CIB3: variants seen among roughly 807,000 people sequenced by gnomAD.
CIB3 encodes calcium and integrin-binding family member 3.
Under a neutral mutation model 23.4 loss-of-function variants are expected in CIB3, and 22 were observed. That is an observed-to-expected ratio of 0.94 (90% confidence interval 0.67 to 1.34). The LOEUF is 1.34. Among genes scored for constraint, CIB3 ranks in the 40% most tolerant of loss-of-function variants. The probability of loss-of-function intolerance (pLI) is 0.00; values close to 1 mark genes in which losing one functional copy is unlikely to be tolerated. For missense variants in CIB3, 258 were observed against 247.3 expected (o/e 1.04, Z -0.29); for synonymous variants, 93 against 95.8 (o/e 0.97, Z 0.17).
intron 5 of CIB3, among the ~76,000 whole-genome samples, chr19:16,164,405 G>C (rs1000593074): frequency 6.6e-6 from 1 of 152,198 alleles, no homozygotes; most frequent in African/African-American, 2.4e-5. Context: ...TGCAGTGGCG[G>C]CTGATTTTCC....
intron 5 of CIB3, among the ~76,000 whole-genome samples, chr19:16,164,164 G>A (rs1161191415): frequency 6.6e-6 from 1 of 151,966 alleles, no homozygotes; most frequent in African/African-American, 2.4e-5. Context: ...TTGTAGATAT[G>A]GACTCTCCTT....
At chr19:16,163,809 G>A (rs931685984) in intron 5 of CIB3, among the ~76,000 whole-genome samples, 1 of 152,050 alleles carries the variant, frequency 6.6e-6, no homozygotes, top group African/African-American at 2.4e-5. Flanking sequence ...ATACCATGAC[G>A]CAACTCTGTT....
In CIB3 at chr19:16,163,786, T is replaced by C. The variant is rs996519143; in HGVS notation, c.542+932A>G. Among the ~76,000 whole-genome samples the C allele has an allele frequency of 3.9e-5, 6 of 152,186 alleles. No individual in the cohort carries two copies. In the South Asian group the frequency reaches 6.2e-4, roughly 16 times the overall value. The stretch of plus-strand genomic sequence containing the variant: ...TTTCTGTAAATGGCCAAATAGTTGA[T>C]GTTTTCAACTTTATACCATGACGCA... On this transcript the variant is annotated intron_variant, in intron 5 of 5. Coordinates refer to ENST00000269878, the MANE Select transcript of CIB3 (RefSeq NM_054113.4).
In CIB3 at chr19:16,172,097, C is replaced by T. The variant is rs936966558; in HGVS notation, c.86+1065G>A. ...TGCCAAGCCCACAACCCAGACTGGG[C>T]TCTGGACTTTGCACCTGGGCTCCCA... On this transcript the variant is annotated intron_variant, in intron 2 of 5. Transcript: ENST00000269878. Among the ~76,000 whole-genome samples, 4 of 152,364 alleles carry T rather than the reference C, an allele frequency of 2.6e-5. No homozygotes were observed. The South Asian group carries it at 8.3e-4, about 32-fold the overall frequency.
chr19:16,170,823 AAAAAAAAAAAAG>A (rs1464298802), intron 2 of CIB3, among the ~76,000 whole-genome samples: 1 of 141,316 alleles, frequency 7.1e-6, no homozygotes, highest in Non-Finnish European at 1.5e-5. Flanking sequence ...ACTCTGTCTC[AAAAAAAAAAAAG>A]AAAAGAAAAA....
At chr19:16,169,236 T>C (rs2091317916) in intron 3 of CIB3, among the ~76,000 whole-genome samples, 1 of 152,098 alleles carries the variant, frequency 6.6e-6, no homozygotes, top group Admixed American at 6.6e-5. Flanking sequence ...CTCCACCTCC[T>C]GAGTTCAAGC....
chr19:16,166,436 CT>C (rs1455578372), intron 4 of CIB3, among the ~76,000 whole-genome samples: 2 of 152,170 alleles, frequency 1.3e-5, no homozygotes, highest in African/African-American at 4.8e-5. Context: ...CATTTATTCA[CT>C]CACTCAACAA....
At chr19:16,169,941 A>G (rs2091321328) in intron 2 of CIB3, among the ~76,000 whole-genome samples, 200 bp from the exon 3 acceptor site, 1 of 152,166 alleles carries the variant, frequency 6.6e-6, no homozygotes, top group Admixed American at 6.6e-5. Flanking sequence ...CTGGGATTAC[A>G]GGCACACCCT....
chr19:16,162,243 C>CAAAAAAA (rs79329568), intron 5 of CIB3, among the ~76,000 whole-genome samples: 1 of 52,468 alleles, frequency 1.9e-5, no homozygotes, highest in Non-Finnish European at 3.9e-5. Context: ...CTTGTCTCCA[C>CAAAAAAA]AAAAAAAAAA....
At chr19:16,171,947 G>A (rs889853283) in intron 2 of CIB3, among the ~76,000 whole-genome samples, 7 of 152,212 alleles carry the variant, frequency 4.6e-5, no homozygotes, top group African/African-American at 1.2e-4. Flanking sequence ...TTCATGGGTC[G>A]GGGCCCCTGG....
chr19:16,169,893 G>A lies in CIB3; in HGVS notation c.87-152C>T, dbSNP rs192693864. 747 of 578,744 alleles carry A rather than the reference G, an allele frequency of 1.3e-3. 19 individuals are homozygous for A. In the East Asian group the frequency reaches 0.026, roughly 20 times the overall value. 35.9% of individuals were successfully genotyped at this position (578,744 alleles called of 1,614,324 possible). On this transcript the variant is annotated intron_variant, in intron 2 of 5. Coordinates refer to ENST00000269878, the MANE Select transcript of CIB3 (RefSeq NM_054113.4). ...CGGCTCACTGTAACCTCTGCCTCCC[G>A]GGTTCAAGCAATTCTCCTGCCTCAG...
Position 16,173,464 on chromosome 19 carries a change from C to T in CIB3, c.12G>A (p.Lys4=), listed in dbSNP as rs1254616348. MGN[K]QTVFTHEQLE... ...GCTGCTCGTGTGTGAAGACTGTCTG[C>T]TTGTTGCCCATGGTGTGAACCACAG... The change falls in exon 1 of 6, where the codon AAG becomes AAA. Residue 4 remains lysine (K), a synonymous_variant. Coordinates refer to ENST00000269878, the MANE Select transcript of CIB3 (RefSeq NM_054113.4). 1 of 1,613,944 alleles carries T rather than the reference C, an allele frequency of 6.2e-7. No individual in the cohort carries two copies. The highest frequency in any genetic ancestry group is 1.3e-5 in the African/African-American group (1 of 74,902).
chr19:16,161,827 G>A (rs1299949857), intron 5 of CIB3, among the ~76,000 whole-genome samples: 3 of 151,626 alleles, frequency 2.0e-5, no homozygotes, highest in Non-Finnish European at 4.4e-5. Context: ...ACAGGTGCAT[G>A]ATACCACGCC....
chr19:16,164,098 G>A (rs2091295752), intron 5 of CIB3, among the ~76,000 whole-genome samples: 1 of 152,050 alleles, frequency 6.6e-6, no homozygotes. Context: ...AGCCTCCCAA[G>A]TAGCTGGGAC....
Position 16,173,356 on chromosome 19 carries a change from G to A in CIB3, c.51+69C>T, listed in dbSNP as rs555370747. On this transcript the variant is annotated intron_variant, in intron 1 of 5. Coordinates refer to ENST00000269878, the MANE Select transcript of CIB3 (RefSeq NM_054113.4). ...CGGTACACCCAGATGAAGGCATTCTGTTCCCATTTCCCAGACCACGGAACC... is the reference window on the plus strand; with the variant it reads ...CGGTACACCCAGATGAAGGCATTCTATTCCCATTTCCCAGACCACGGAACC... The A allele has an allele frequency of 2.3e-5, 36 of 1,561,718 alleles. 1 individual carries two copies. In the South Asian group the frequency reaches 3.4e-4, roughly 15 times the overall value.
At chr19:16,170,503 A>T (rs144545276) in intron 2 of CIB3, among the ~76,000 whole-genome samples, 1 of 152,182 alleles carries the variant, frequency 6.6e-6, no homozygotes, top group Non-Finnish European at 1.5e-5. Context: ...CTTCACTTTC[A>T]TACCTTCCCT....
chr19:16,166,578 A>G (rs982050343), intron 4 of CIB3, among the ~76,000 whole-genome samples: 2 of 152,150 alleles, frequency 1.3e-5, no homozygotes, highest in Non-Finnish European at 2.9e-5. Flanking sequence ...TCATTCATTC[A>G]TTCATCCATT....
intron 5 of CIB3, among the ~76,000 whole-genome samples, chr19:16,162,768 A>T (rs1170491389): frequency 6.6e-6 from 1 of 152,034 alleles, no homozygotes; most frequent in African/African-American, 2.4e-5. Flanking sequence ...AAAATAAAAT[A>T]AAATAAATTA....
intron 4 of CIB3, among the ~76,000 whole-genome samples, chr19:16,167,341 C>G (rs1474834773): frequency 6.6e-6 from 1 of 152,216 alleles, no homozygotes; most frequent in Non-Finnish European, 1.5e-5. Context: ...CTGAGCCAGG[C>G]TCAGATGACA....
Sources: gnomAD v4.1 joint callset for allele counts (sites outside exome capture counted in the v4.1 genomes callset) on GRCh38, gnomAD v4.1.1 for gene constraint, MANE v1.5 for transcripts, NCBI Gene and HGNC (gene_info 2026-07-23, HGNC 2026-07-21) for gene names.